The following FUT8 variants were observed in gnomAD, a reference collection of about 807,000 sequenced individuals.
The protein encoded by FUT8 is alpha-(1,6)-fucosyltransferase.
In FUT8, 29 loss-of-function variants were observed where a neutral mutation model predicts 71.3. The ratio of observed to expected loss-of-function variants is 0.41; its 90% CI spans 0.30 to 0.55. FUT8 has a LOEUF of 0.55. Among genes scored for constraint, FUT8 ranks in the 20% least tolerant of loss-of-function variants. The pLI, the probability that FUT8 is intolerant of heterozygous loss-of-function variation, is 0.34. For synonymous variants in FUT8, 254 were observed against 239.3 expected, an observed-to-expected ratio of 1.06 and a Z score of -0.57; for missense variants, 544 against 702.1, an observed-to-expected ratio of 0.77 and a Z score of 2.55.
At position 65,733,213 on chromosome 14, in the gene FUT8, ATTAAT is replaced by A; in HGVS notation, c.1260-14_1260-10del. 9 of 1,535,402 alleles carry A rather than the reference ATTAAT, an allele frequency of 5.9e-6. No individual in the cohort carries two copies. Among genetic ancestry groups the A allele is most frequent in the South Asian group, 1.2e-5 (1 of 85,700 alleles). Reference sequence around the variant, plus strand: ...CTGTGATATCTATGACCATCTATAAATTAATTTATTTTTTCAGGTACCCCAATTAT... The same window carrying A: ...CTGTGATATCTATGACCATCTATAAATTATTTTTTCAGGTACCCCAATTAT... On this transcript the variant is annotated splice_polypyrimidine_tract_variant and intron_variant, in intron 9 of 10. Transcript: ENST00000673929.
chr14:65,442,443 T>G (rs1475058673), intron 1 of FUT8, among the ~76,000 whole-genome samples: 1 of 151,932 alleles, frequency 6.6e-6, no homozygotes, highest in South Asian at 2.1e-4. Context: ...GTGCTGGGAT[T>G]ACAGGAGTGA....
rs1256777788 is a variant in FUT8, at chr14:65,625,981, C to T, written c.483-3511C>T. Among the ~76,000 whole-genome samples the T allele has an allele frequency of 3.3e-5, 5 of 152,106 alleles. No homozygotes were observed. In the East Asian group the frequency reaches 9.6e-4, roughly 29 times the overall value. On this transcript the variant is annotated intron_variant, in intron 5 of 10. Coordinates refer to ENST00000673929, the MANE Select transcript of FUT8 (RefSeq NM_001371533.1). ...TACTAAGACTGTGTCACAAGCAAAT[C>T]ACAGTTGTTGAGGGCATATTTCACC... is the stretch of plus-strand genomic sequence containing the variant.
chr14:65,611,872 G>C (rs1268719696), intron 3 of FUT8, among the ~76,000 whole-genome samples: 1 of 152,070 alleles, frequency 6.6e-6, no homozygotes, highest in African/African-American at 2.4e-5. Flanking sequence ...TGTTGGCCAG[G>C]CTGGTCTTGA....
chr14:65,398,724 A>T, the FUT8 span, among the ~76,000 whole-genome samples: 9 of 151,056 alleles, frequency 6.0e-5, no homozygotes, highest in African/African-American at 2.2e-4. Context: ...AGCAGACTCC[A>T]TCTCAAAAAA....
intron 1 of FUT8, among the ~76,000 whole-genome samples, chr14:65,424,235 CTT>C (rs1021886923): frequency 4.6e-5 from 7 of 152,216 alleles, no homozygotes; most frequent in African/African-American, 1.2e-4. Context: ...AATATTCACT[CTT>C]GAGCTCACCT....
At chr14:65,485,641 T>G (rs749612572) in intron 2 of FUT8, among the ~76,000 whole-genome samples, 3 of 152,218 alleles carry the variant, frequency 2.0e-5, no homozygotes, top group Non-Finnish European at 2.9e-5. Flanking sequence ...TCTCACACTT[T>G]GAGCTAATCA....
the FUT8 span, among the ~76,000 whole-genome samples, chr14:65,390,725 CT>C: frequency 4.7e-4 from 63 of 134,632 alleles, no homozygotes; most frequent in Middle Eastern, 7.6e-3. Flanking sequence ...ATTTCCTATT[CT>C]TTTTTTTTTT....
chr14:65,728,444 A>G (rs939023294), intron 9 of FUT8, among the ~76,000 whole-genome samples: 8 of 152,230 alleles, frequency 5.3e-5, no homozygotes, highest in African/African-American at 1.7e-4. Flanking sequence ...TTTTAAAACC[A>G]TCGAATCTCA....
chr14:65,397,618 G>A, the FUT8 span, among the ~76,000 whole-genome samples: 1 of 152,220 alleles, frequency 6.6e-6, no homozygotes, highest in African/African-American at 2.4e-5. This position sits in a 1 kb window ranked among gnomAD's most constrained non-coding sequence, Gnocchi z 4.2. Flanking sequence ...GTGTGTGTGT[G>A]CACACGTGCA....
At position 65,643,447 on chromosome 14, in the gene FUT8, G is replaced by C. The variant is rs1429967201; in HGVS notation, c.597+13841G>C. ...AGGCAGGCGGGTCACGAGGTCAGGA[G>C]ATCGAGACCATCCTGGCTAACATGG... On this transcript the variant is annotated intron_variant, in intron 6 of 10. Transcript: ENST00000673929. This position sits in a 1 kb window ranked among gnomAD's most constrained non-coding sequence, Gnocchi z 4.5. 2.0e-5 allele frequency among the ~76,000 whole-genome samples: 3 copies of C among 152,136 alleles called. No individual in the cohort carries two copies. Among genetic ancestry groups the C allele is most frequent in the Non-Finnish European group, 4.4e-5 (3 of 68,036 alleles).
At chr14:65,616,854 C>T (rs1889312453) in intron 5 of FUT8, among the ~76,000 whole-genome samples, 1 of 151,708 alleles carries the variant, frequency 6.6e-6, no homozygotes, top group East Asian at 1.9e-4. Context: ...TAAAAAGGAG[C>T]ATTCTGTTCA....
chr14:65,552,940 A>G (rs1254505579), intron 2 of FUT8, among the ~76,000 whole-genome samples: 2 of 152,164 alleles, frequency 1.3e-5, no homozygotes, highest in East Asian at 3.8e-4. Context: ...AATGTGGCCT[A>G]CTGTGCCTGA....
chr14:65,545,638 T>C (rs2139981450), intron 2 of FUT8, among the ~76,000 whole-genome samples: 1 of 151,974 alleles, frequency 6.6e-6, no homozygotes, highest in South Asian at 2.1e-4. Context: ...TGGTTTTTAC[T>C]CTTTTCAGTT....
At chr14:65,703,296 T>G (rs1475162759) in intron 7 of FUT8, among the ~76,000 whole-genome samples, 1 of 152,224 alleles carries the variant, frequency 6.6e-6, no homozygotes, top group African/African-American at 2.4e-5. Flanking sequence ...GCTACATGTA[T>G]CTTCTTCCCT....
At chr14:65,455,385 T>C (rs1035879478) in intron 1 of FUT8, among the ~76,000 whole-genome samples, 2 of 152,216 alleles carry the variant, frequency 1.3e-5, no homozygotes, top group Non-Finnish European at 2.9e-5. Context: ...AGTTGAACTA[T>C]GAAGCAAATT....
At chr14:65,599,989 CT>C (rs1446680842) in intron 3 of FUT8, among the ~76,000 whole-genome samples, 1 of 152,120 alleles carries the variant, frequency 6.6e-6, no homozygotes, top group Non-Finnish European at 1.5e-5. Context: ...TTAAATGTTA[CT>C]GTTGAGAGAA....
intron 1 of FUT8, among the ~76,000 whole-genome samples, chr14:65,424,322 G>A (rs2065349605): frequency 6.6e-6 from 1 of 152,074 alleles, no homozygotes; most frequent in African/African-American, 2.4e-5. Flanking sequence ...ATGTAGTTAT[G>A]ATTTAATACT....
chr14:65,596,652 A>G (rs558633010), intron 3 of FUT8, among the ~76,000 whole-genome samples: 30 of 152,346 alleles, frequency 2.0e-4, no homozygotes, highest in Admixed American at 7.8e-4. Flanking sequence ...TTAGGGTAGC[A>G]TAAGAAGAAA....
At position 65,502,057 on chromosome 14, in the gene FUT8, C is replaced by T. The variant is rs558072711; in HGVS notation, c.-228+46339C>T. On this transcript the variant is annotated intron_variant, in intron 2 of 10. Transcript: ENST00000673929. ...ACCCAAGTAGCTGGGACTACAGGCACCTGCCACCACACCCAGCTAATTTTT... is the reference window on the plus strand; with the variant it reads ...ACCCAAGTAGCTGGGACTACAGGCATCTGCCACCACACCCAGCTAATTTTT... Among the ~76,000 whole-genome samples the T allele has an allele frequency of 3.3e-5, 5 of 151,960 alleles. No individual in the cohort carries two copies. The East Asian group carries it at 5.8e-4, about 18-fold the overall frequency.
Sources: allele counts gnomAD v4.1 joint callset (sites outside exome capture counted in the v4.1 genomes callset), GRCh38; gene constraint gnomAD v4.1.1; non-coding constraint Gnocchi (gnomAD v3.1); transcripts MANE v1.5; gene names NCBI Gene and HGNC (gene_info 2026-07-23, HGNC 2026-07-21).